Variants in CHN1 observed in about 807,000 individuals in gnomAD.
CHN1 encodes N-chimaerin.
In CHN1, 37 loss-of-function variants were observed where a neutral mutation model predicts 59.5. That is an observed-to-expected ratio of 0.62 (90% CI 0.48 to 0.82). The LOEUF (loss-of-function observed/expected upper bound fraction) is 0.82. Ranked by LOEUF, CHN1 falls within the 40% of genes least tolerant of loss-of-function variation. The pLI is 0.00. For missense variants in CHN1, 469 were observed against 571.0 expected, an observed-to-expected ratio of 0.82 and a Z score of 1.82; for synonymous variants, 206 against 200.4, an observed-to-expected ratio of 1.03 and a Z score of -0.24.
Position 174,920,909 on chromosome 2 carries a change from C to G in CHN1, c.115-2344G>C. On this transcript the variant is annotated intron_variant, in intron 3 of 12. Coordinates refer to ENST00000409900, the MANE Select transcript of CHN1 (RefSeq NM_001822.7). ...AGCTTGTTTTCCTGCAACTAGACGG[C>G]CCCATCTGGGGGTGATGGGAGACAG... The G allele has an allele frequency of 7.1e-6, 3 of 422,028 alleles. 1 individual carries two copies. The highest frequency in any genetic ancestry group is 5.3e-5 in the South Asian group (3 of 57,084). The allele number at this position is 422,028 out of a possible 1,614,324, so 26.1% of individuals were successfully genotyped here.
At chr2:174,877,744 A>C (rs1687612648) in intron 6 of CHN1, 96 bp downstream of exon 6, 1 of 1,093,930 alleles carries the variant, frequency 9.1e-7, no homozygotes, top group African/African-American at 1.6e-5. Flanking sequence ...ATACTTTCCA[A>C]AGCACTGTGG....
At position 175,005,285 on chromosome 2, in the gene CHN1, G is replaced by A. The variant is rs1041291567; in HGVS notation, c.-373C>T. The stretch of plus-strand genomic sequence containing the variant: ...CACTGGCGGCGGCGGCGGCGGCGAC[G>A]GGGAGAGCAGCAGCAGCCTCGCACA... On this transcript the variant is annotated 5_prime_UTR_variant, in exon 1 of 13. Transcript: ENST00000409900. 1.7e-6 allele frequency: 2 copies of A among 1,181,402 alleles called. No homozygotes were observed. Among genetic ancestry groups the A allele is most frequent in the Non-Finnish European group, 2.1e-6 (2 of 944,964 alleles). 73.2% of individuals were successfully genotyped at this position (1,181,402 alleles called of 1,614,324 possible).
intron 5 of CHN1, among the ~76,000 whole-genome samples, chr2:174,885,283 G>GAA (rs1296078594): frequency 4.1e-5 from 6 of 145,804 alleles, no homozygotes; most frequent in African/African-American, 1.0e-4. Flanking sequence ...TCAAAAAAAA[G>GAA]AAAAAAAAAT....
At chr2:174,992,119 C>T (rs1385499660) in intron 1 of CHN1, among the ~76,000 whole-genome samples, 1 of 152,060 alleles carries the variant, frequency 6.6e-6, no homozygotes, top group Admixed American at 6.6e-5. Flanking sequence ...AAGGCAGAGC[C>T]ACAGAAAGAA....
chr2:174,829,583 A>T (rs1055203221), intron 7 of CHN1, among the ~76,000 whole-genome samples: 14 of 152,272 alleles, frequency 9.2e-5, no homozygotes, highest in Admixed American at 7.2e-4. Context: ...TGTTCCTTTC[A>T]AGTCAAAACA....
intron 5 of CHN1, among the ~76,000 whole-genome samples, chr2:174,912,756 A>T (rs766833638): frequency 5.9e-5 from 9 of 152,232 alleles, no homozygotes; most frequent in Non-Finnish European, 1.0e-4. Context: ...AGTTTAAAAC[A>T]AGGAAAATGT....
intron 4 of CHN1, among the ~76,000 whole-genome samples, chr2:174,916,383 C>T (rs928230950): frequency 2.0e-5 from 3 of 152,050 alleles, no homozygotes; most frequent in African/African-American, 7.2e-5. Context: ...TGTTAATCTG[C>T]CTATTGTTTA....
At chr2:174,990,284 A>AGAGC in intron 1 of CHN1, among the ~76,000 whole-genome samples, 1 of 91,228 alleles carries the variant, frequency 1.1e-5, no homozygotes, top group South Asian at 4.2e-4. Flanking sequence ...AGAGAGAGAG[A>AGAGC]GAGCGCGAGC....
At chr2:174,838,385 G>A (rs1440212094) in intron 7 of CHN1, among the ~76,000 whole-genome samples, 1 of 152,006 alleles carries the variant, frequency 6.6e-6, no homozygotes, top group Non-Finnish European at 1.5e-5. Context: ...GAGCCACTGC[G>A]CCCAGCCAAA....
chr2:174,891,140 C>CAAAAAAAAAAAAAAAAAA (rs58016502), intron 5 of CHN1, among the ~76,000 whole-genome samples: 2 of 24,416 alleles, frequency 8.2e-5, no homozygotes, highest in African/African-American at 1.0e-4. Flanking sequence ...GACTCCATCT[C>CAAAAAAAAAAAAAAAAAA]AAAAAAAAAA....
intron 1 of CHN1, among the ~76,000 whole-genome samples, chr2:174,960,610 A>C (rs1690365631): frequency 6.6e-6 from 1 of 152,174 alleles, no homozygotes; most frequent in South Asian, 2.1e-4. Context: ...TGGGAGGCCA[A>C]GGCGGGTGGA....
At chr2:174,854,669 T>C (rs1312371933) in intron 6 of CHN1, among the ~76,000 whole-genome samples, 1 of 152,176 alleles carries the variant, frequency 6.6e-6, no homozygotes, top group Non-Finnish European at 1.5e-5. Context: ...AAAATACTTA[T>C]GGTATAGAAT....
chr2:174,853,089 CA>C (rs1686790921), intron 6 of CHN1, among the ~76,000 whole-genome samples: 1 of 152,084 alleles, frequency 6.6e-6, no homozygotes, highest in African/African-American at 2.4e-5. Context: ...CAAAAATGGA[CA>C]AGTGGGCCTA....
chr2:174,926,949 G>C (rs767441628), intron 3 of CHN1, among the ~76,000 whole-genome samples: 1 of 151,850 alleles, frequency 6.6e-6, no homozygotes, highest in African/African-American at 2.4e-5. Flanking sequence ...TAGTAGAGAC[G>C]GGGTTTCACC....
intron 6 of CHN1, chr2:174,875,801 T>C: frequency 1.0e-6 from 1 of 984,946 alleles, no homozygotes. Context: ...TGTCATCCAT[T>C]GTGACAGGGA....
Position 174,836,759 on chromosome 2 carries a change from C to A in CHN1, c.627+10121G>T, listed in dbSNP as rs180746120. Among the ~76,000 whole-genome samples the A allele has an allele frequency of 3.3e-5, 5 of 152,314 alleles. No individual in the cohort carries two copies. The East Asian group carries it at 9.7e-4, about 29-fold the overall frequency. On this transcript the variant is annotated intron_variant, in intron 7 of 12. Coordinates refer to ENST00000409900, the MANE Select transcript of CHN1 (RefSeq NM_001822.7). Reference sequence around the variant, plus strand: ...TCCAGGGGAAGACCTGGATCTAAGCCAGTACATTCCCTTCTCCTGACTGGA... The same window carrying A: ...TCCAGGGGAAGACCTGGATCTAAGCAAGTACATTCCCTTCTCCTGACTGGA...
At chr2:174,847,177 C>T (rs1333436882) in intron 6 of CHN1, 56 of 1,516,846 alleles carry the variant, frequency 3.7e-5, no homozygotes, top group Admixed American at 4.3e-5. Context: ...CTATGTCTGT[C>T]GATGATATCT....
Position 174,833,687 on chromosome 2 carries a change from T to C in CHN1, c.628-9169A>G, listed in dbSNP as rs116006398. 7.1e-3 allele frequency among the ~76,000 whole-genome samples: 1,085 copies of C among 152,356 alleles called. 16 individuals are homozygous for C. Among genetic ancestry groups the C allele is most frequent in the African/African-American group, 0.025 (1,028 of 41,574 alleles). ...CATTTGTCCTTTATTCCTTTTTTTA[T>C]GTTTTATACTCTGAATTAACTGCAT... On this transcript the variant is annotated intron_variant, in intron 7 of 12. Coordinates refer to ENST00000409900, the MANE Select transcript of CHN1 (RefSeq NM_001822.7).
intron 3 of CHN1, among the ~76,000 whole-genome samples, chr2:174,927,170 G>A (rs1046429606): frequency 9.9e-5 from 15 of 151,990 alleles, no homozygotes; most frequent in African/African-American, 1.5e-4. Context: ...CCTGCCTCCC[G>A]AGCACGCATC....
Sources: allele counts gnomAD v4.1 joint callset (sites outside exome capture counted in the v4.1 genomes callset), GRCh38; gene constraint gnomAD v4.1.1; transcripts MANE v1.5; gene names NCBI Gene and HGNC (gene_info 2026-07-23, HGNC 2026-07-21).